Variants in ROR2 observed in about 807,000 individuals in gnomAD.
ROR2 encodes the protein ROR family WNT receptor 2.
ROR2 carries 33 observed loss-of-function variants against 74.9 expected under a neutral mutation model. That is an observed-to-expected ratio of 0.44 (90% CI 0.33 to 0.59). ROR2 has a LOEUF of 0.59. Ranked by LOEUF, ROR2 falls within the 20% of genes least tolerant of loss-of-function variation. ROR2 has a pLI of 0.02. For missense variants in ROR2, 1,216 were observed against 1,313.8 expected (o/e 0.93, Z 1.15); for synonymous variants, 586 against 558.7 (o/e 1.05, Z -0.69).
intron 1 of ROR2, among the ~76,000 whole-genome samples, chr9:91,796,384 G>T (rs1021581483): frequency 3.5e-5 from 5 of 144,850 alleles, no homozygotes; most frequent in South Asian, 2.3e-4. Flanking sequence ...AGTGAGCCGA[G>T]ATGGCAATAC....
intron 1 of ROR2, among the ~76,000 whole-genome samples, chr9:91,841,864 T>A (rs965170640): frequency 1.3e-5 from 2 of 152,232 alleles, no homozygotes; most frequent in African/African-American, 2.4e-5. Flanking sequence ...AGCCTATGCA[T>A]TTCCTCCACA....
chr9:91,907,894 A>G (rs1319541732), intron 1 of ROR2, among the ~76,000 whole-genome samples: 1 of 152,014 alleles, frequency 6.6e-6, no homozygotes, highest in Non-Finnish European at 1.5e-5. Context: ...GCCACCCCAC[A>G]CCCAGGGCCA....
intron 5 of ROR2, among the ~76,000 whole-genome samples, chr9:91,735,606 C>CTTTTTTTTTTTTTTT (rs35146225): frequency 5.9e-4 from 47 of 79,008 alleles, no homozygotes; most frequent in South Asian, 1.0e-3. Context: ...AGGGCTCTAA[C>CTTTTTTTTTTTTTTT]TTTTTTTTTT....
chr9:91,949,625 C>T (rs1282460505), intron 1 of ROR2, among the ~76,000 whole-genome samples: 1 of 152,138 alleles, frequency 6.6e-6, no homozygotes. Context: ...CCGCCGCCGC[C>T]CGCCCCCAGA....
rs145180035 is a variant in ROR2, at chr9:91,799,217, A to T, written c.98-23399T>A. ...TCCTCTACTCCAGTGGTTTTCAATG[A>T]CACTGCCCCAGGGGACACTGCCAAA... On this transcript the variant is annotated intron_variant, in intron 1 of 8. Coordinates refer to ENST00000375708, the MANE Select transcript of ROR2 (RefSeq NM_004560.4). Among the ~76,000 whole-genome samples, 1,195 of 152,146 alleles carry T rather than the reference A, an allele frequency of 7.9e-3. 16 individuals are homozygous for T. The highest frequency in any genetic ancestry group is 0.027 in the African/African-American group (1,117 of 41,506).
intron 1 of ROR2, among the ~76,000 whole-genome samples, chr9:91,801,214 T>G (rs1587731734): frequency 3.3e-5 from 5 of 152,380 alleles, no homozygotes; most frequent in Admixed American, 3.3e-4. Flanking sequence ...CATAGTTTAC[T>G]GCTCTTTGTT....
At chr9:91,949,774 G>C (rs147067450) in intron 1 of ROR2, 93 bp downstream of exon 1, 1 of 835,408 alleles carries the variant, frequency 1.2e-6, no homozygotes. Context: ...CATGGGCGCC[G>C]GCGCAGCGGC....
chr9:91,771,513 CT>C, intron 2 of ROR2, among the ~76,000 whole-genome samples: 2 of 152,342 alleles, frequency 1.3e-5, no homozygotes, highest in East Asian at 1.9e-4. Flanking sequence ...AGACAAAGCT[CT>C]GTTAAATATT....
At chr9:91,833,029 G>A (rs1182800649) in intron 1 of ROR2, among the ~76,000 whole-genome samples, 1 of 152,188 alleles carries the variant, frequency 6.6e-6, no homozygotes, top group East Asian at 1.9e-4. Context: ...ACAAAAGCAG[G>A]TGAGGGGCTC....
At position 91,922,687 on chromosome 9, in the gene ROR2, T is replaced by G. The variant is rs563837295; in HGVS notation, c.97+27180A>C. ...TCAGGATGGTCTCGATCTCCTGACCTCGTGATCCACCTGCCTTGGCCTCTT... is the reference window on the plus strand; with the variant it reads ...TCAGGATGGTCTCGATCTCCTGACCGCGTGATCCACCTGCCTTGGCCTCTT... On this transcript the variant is annotated intron_variant, in intron 1 of 8. Transcript: ENST00000375708. Among the ~76,000 whole-genome samples the G allele has an allele frequency of 6.8e-4, 104 of 152,300 alleles. 1 individual carries two copies. The highest frequency in any genetic ancestry group is 5.0e-3 in the South Asian group (24 of 4,826).
intron 1 of ROR2, among the ~76,000 whole-genome samples, chr9:91,933,814 T>A (rs56747141): frequency 0.4 from 60,258 of 151,968 alleles, 13,011 homozygotes; most frequent in African/African-American, 0.58. Flanking sequence ...GAAAGTAGAT[T>A]AGCGGTTGCC....
At chr9:91,758,520 G>T (rs1825825443) in intron 2 of ROR2, among the ~76,000 whole-genome samples, 1 of 152,242 alleles carries the variant, frequency 6.6e-6, no homozygotes, top group African/African-American at 2.4e-5. Flanking sequence ...CAATGCTGAT[G>T]AGGGGGAGCT....
intron 1 of ROR2, among the ~76,000 whole-genome samples, chr9:91,864,814 T>C (rs1829580296): frequency 1.3e-5 from 2 of 152,198 alleles, no homozygotes; most frequent in Non-Finnish European, 2.9e-5. Flanking sequence ...ACAAGATAAA[T>C]TACATCTTGG....
chr9:91,824,610 T>C (rs1457329553), intron 1 of ROR2, among the ~76,000 whole-genome samples: 1 of 152,148 alleles, frequency 6.6e-6, no homozygotes, highest in Non-Finnish European at 1.5e-5. Flanking sequence ...AATCCCAATG[T>C]TTCAACGCAC....
intron 1 of ROR2, among the ~76,000 whole-genome samples, chr9:91,827,164 CT>C (rs1372598738): frequency 6.6e-6 from 1 of 152,112 alleles, no homozygotes. Flanking sequence ...ATATTGCCCC[CT>C]AACTATATGC....
intron 1 of ROR2, among the ~76,000 whole-genome samples, chr9:91,854,922 T>C (rs968137382): frequency 1.3e-5 from 2 of 152,186 alleles, no homozygotes; most frequent in Non-Finnish European, 2.9e-5. Flanking sequence ...CTTTAATCCA[T>C]CAATTAGAAT....
chr9:91,808,406 G>A (rs556950629), intron 1 of ROR2, among the ~76,000 whole-genome samples: 5 of 152,312 alleles, frequency 3.3e-5, no homozygotes, highest in Admixed American at 2.0e-4. Flanking sequence ...AGGCCGAGGC[G>A]GGCGGAAGAG....
At chr9:91,780,343 C>T (rs1220165556) in intron 1 of ROR2, among the ~76,000 whole-genome samples, 2 of 151,402 alleles carry the variant, frequency 1.3e-5, no homozygotes, top group African/African-American at 4.9e-5. Flanking sequence ...CGCCACACTA[C>T]TCCAGCCTAG....
chr9:91,888,666 C>G (rs1441699932), intron 1 of ROR2, among the ~76,000 whole-genome samples: 1 of 152,218 alleles, frequency 6.6e-6, no homozygotes, highest in Non-Finnish European at 1.5e-5. Context: ...GAGGCCACAC[C>G]ACTTGCTCAG....
Sources: allele counts gnomAD v4.1 joint callset (sites outside exome capture counted in the v4.1 genomes callset), GRCh38; gene constraint gnomAD v4.1.1; transcripts MANE v1.5; gene names NCBI Gene and HGNC (gene_info 2026-07-23, HGNC 2026-07-21).